PALS1: variants seen among roughly 807,000 people sequenced by gnomAD.
PALS1 encodes protein associated with LIN7 1, MAGUK p55 family member.
PALS1 carries 31 observed loss-of-function variants against 78.9 expected under a neutral mutation model. The ratio of observed to expected loss-of-function variants is 0.39; its 90% CI spans 0.30 to 0.53. PALS1 has a LOEUF of 0.53. PALS1 is among the 20% of genes least tolerant of loss of function. PALS1 has a pLI of 0.67. For missense variants in PALS1, 704 were observed against 826.5 expected (o/e 0.85, Z 1.82); for synonymous variants, 276 against 270.9 (o/e 1.02, Z -0.18).
In PALS1 at chr14:67,316,828, T is replaced by A. The variant is rs1176999613; in HGVS notation, c.1226-4T>A. The A allele has an allele frequency of 6.2e-7, 1 of 1,607,004 alleles. No homozygotes were observed. Among genetic ancestry groups the A allele is most frequent in the African/African-American group, 1.3e-5 (1 of 74,570 alleles). On this transcript the variant is annotated splice_region_variant and splice_polypyrimidine_tract_variant and intron_variant, in intron 9 of 14. Coordinates refer to ENST00000261681, the MANE Select transcript of PALS1 (RefSeq NM_022474.4). The stretch of plus-strand genomic sequence containing the variant: ...TTACCCTTCTTTTTCTTTCTGCTAT[T>A]AAGGGAAAAGCTTTCAGCAGCAAAG...
intron 3 of PALS1, among the ~76,000 whole-genome samples, chr14:67,285,734 A>G (rs1567521429): frequency 6.6e-6 from 1 of 152,102 alleles, no homozygotes; most frequent in Admixed American, 6.6e-5. Context: ...CCAGAGTTCT[A>G]GGCATTGGAA....
At chr14:67,313,379 G>C (rs953989349) in intron 9 of PALS1, among the ~76,000 whole-genome samples, 1 of 152,190 alleles carries the variant, frequency 6.6e-6, no homozygotes, top group South Asian at 2.1e-4. Flanking sequence ...CACAAACCTA[G>C]ATGATATAGC....
In PALS1 at chr14:67,323,726, G is replaced by A; in HGVS notation, c.1765G>A (p.Asp589Asn). 1 of 1,592,474 alleles carries A rather than the reference G, an allele frequency of 6.3e-7. No homozygotes were observed. Among genetic ancestry groups the A allele is most frequent in the South Asian group, 1.1e-5 (1 of 87,394 alleles). ...TQSLKTLRNS[D>N]LKPYIIFIAP... ...GTCATTGAAGACTCTCCGGAATTCA[G>A]ATTTGAAACCATATATTATCTTCAT... is the stretch of plus-strand genomic sequence containing the variant. Residue 589 changes from aspartate (D) to asparagine (N), a missense_variant, in exon 14 of 15, where the codon GAT becomes AAT. Asp to Asn is a conservative substitution (Grantham distance 23). Transcript: ENST00000261681.
At chr14:67,315,958 T>C (rs2085167553) in intron 9 of PALS1, among the ~76,000 whole-genome samples, 1 of 152,272 alleles carries the variant, frequency 6.6e-6, no homozygotes, top group African/African-American at 2.4e-5. Flanking sequence ...ATGCTTCTTA[T>C]GTGTATGGAA....
At chr14:67,331,827 T>C (rs925864023) in intron 14 of PALS1, among the ~76,000 whole-genome samples, 4 of 152,144 alleles carry the variant, frequency 2.6e-5, no homozygotes, top group African/African-American at 4.8e-5. Context: ...ACGGTAGACA[T>C]AAGTTTTAGC....
intron 1 of PALS1, among the ~76,000 whole-genome samples, chr14:67,250,046 A>G (rs1394645835): frequency 2.0e-5 from 3 of 152,066 alleles, no homozygotes; most frequent in Admixed American, 2.0e-4. Context: ...TTTGTTTTTT[A>G]TGAAGCTGGT....
chr14:67,319,184 TG>T (rs1457704060), intron 11 of PALS1, among the ~76,000 whole-genome samples: 1 of 152,242 alleles, frequency 6.6e-6, no homozygotes, highest in Non-Finnish European at 1.5e-5. Context: ...GGCTCTGTGC[TG>T]AGCATTGACA....
At chr14:67,245,705 C>T (rs1198927631) in intron 1 of PALS1, among the ~76,000 whole-genome samples, 2 of 152,062 alleles carry the variant, frequency 1.3e-5, no homozygotes, top group Admixed American at 6.6e-5. Context: ...GGTTTTCTTC[C>T]ACTCTGGCTT....
chr14:67,278,273 T>A (rs1311930048), intron 2 of PALS1, among the ~76,000 whole-genome samples: 1 of 151,978 alleles, frequency 6.6e-6, no homozygotes, highest in East Asian at 1.9e-4. Flanking sequence ...CGACCTCAGG[T>A]GATCTGCCTT....
intron 3 of PALS1, among the ~76,000 whole-genome samples, chr14:67,281,994 A>C (rs926544431): frequency 2.0e-5 from 3 of 152,162 alleles, no homozygotes; most frequent in African/African-American, 7.2e-5. Context: ...TTGAAATGTC[A>C]TAACAGGTAT....
chr14:67,315,594 C>T (rs1031829822), intron 9 of PALS1, among the ~76,000 whole-genome samples: 1 of 152,190 alleles, frequency 6.6e-6, no homozygotes, highest in Non-Finnish European at 1.5e-5. Context: ...TTTTAATACT[C>T]TTAAAATTTT....
chr14:67,253,096 G>C (rs1272938524), intron 1 of PALS1, among the ~76,000 whole-genome samples: 2 of 152,344 alleles, frequency 1.3e-5, no homozygotes, highest in Middle Eastern at 6.8e-3. Flanking sequence ...TATAGAGTCA[G>C]ATGTCTGCAG....
intron 14 of PALS1, among the ~76,000 whole-genome samples, chr14:67,325,735 A>G (rs2085343204): frequency 6.6e-6 from 1 of 151,982 alleles, no homozygotes; most frequent in Non-Finnish European, 1.5e-5. Flanking sequence ...TTTTTAGGCT[A>G]TCTTTTTTTC....
At chr14:67,270,899 G>A (rs2084397491) in intron 2 of PALS1, 1 of 152,196 alleles carries the variant, frequency 6.6e-6, no homozygotes, top group Admixed American at 6.5e-5. Flanking sequence ...TTAGGGACTT[G>A]AGGGAGGTCT....
intron 1 of PALS1, among the ~76,000 whole-genome samples, chr14:67,254,033 C>CT (rs985546426): frequency 7.0e-6 from 1 of 142,986 alleles, no homozygotes; most frequent in African/African-American, 2.6e-5. Context: ...CATCCCCCCC[C>CT]CCTTACAAGT....
At chr14:67,324,306 A>T (rs1348182782) in intron 14 of PALS1, among the ~76,000 whole-genome samples, 1 of 152,228 alleles carries the variant, frequency 6.6e-6, no homozygotes, top group African/African-American at 2.4e-5. Context: ...TGTCATATTA[A>T]ACATTAATAA....
Position 67,317,292 on chromosome 14 carries a change from G to A in PALS1, c.1298-116G>A, listed in dbSNP as rs1037924478. On this transcript the variant is annotated intron_variant, in intron 10 of 14. Transcript: ENST00000261681. Reference sequence around the variant, plus strand: ...AGCGTGGCCAACATATGGAGATCTCGTTTCTGCAAAAAAATTTAAAGAATA... The same window carrying A: ...AGCGTGGCCAACATATGGAGATCTCATTTCTGCAAAAAAATTTAAAGAATA... The A allele has an allele frequency of 3.6e-5, 33 of 918,298 alleles. No homozygotes were observed. The Middle Eastern group carries it at 9.6e-4, about 27-fold the overall frequency. 56.9% of individuals were successfully genotyped at this position (918,298 alleles called of 1,614,324 possible).
chr14:67,255,768 C>T (rs1398907026), intron 1 of PALS1, among the ~76,000 whole-genome samples: 2 of 152,218 alleles, frequency 1.3e-5, no homozygotes, highest in Non-Finnish European at 2.9e-5. Context: ...GCAACCTCTG[C>T]CCCTACCCAC....
At chr14:67,287,950 C>T (rs1001390519) in intron 3 of PALS1, among the ~76,000 whole-genome samples, 2 of 152,166 alleles carry the variant, frequency 1.3e-5, no homozygotes, top group African/African-American at 4.8e-5. Flanking sequence ...TTAAATTCCC[C>T]TGAGGTTGAA....
Sources: gnomAD v4.1 joint callset for allele counts (sites outside exome capture counted in the v4.1 genomes callset) on GRCh38, gnomAD v4.1.1 for gene constraint, MANE v1.5 for transcripts, NCBI Gene and HGNC (gene_info 2026-07-23, HGNC 2026-07-21) for gene names.